Variants in MIPEP observed in about 807,000 individuals in gnomAD.
MIPEP encodes the protein mitochondrial intermediate peptidase.
MIPEP carries 79 observed loss-of-function variants against 90.3 expected under a neutral mutation model. The observed-to-expected ratio is 0.87, with a 90% confidence interval of 0.73 to 1.05. The LOEUF (loss-of-function observed/expected upper bound fraction) is 1.05. MIPEP is among the 50% of genes least tolerant of loss of function. The pLI is 0.00. For missense variants in MIPEP, 940 were observed against 905.6 expected (o/e 1.04, Z -0.49); for synonymous variants, 334 against 315.8 (o/e 1.06, Z -0.61).
chr13:23,810,020 A>G, intron 14 of MIPEP, 96 bp from the exon 15 acceptor site: 1 of 658,522 alleles, frequency 1.5e-6, no homozygotes, highest in Non-Finnish European at 2.6e-6. Context: ...ATCAAATGTA[A>G]CATGAGTAAT....
intron 10 of MIPEP, among the ~76,000 whole-genome samples, chr13:23,849,212 C>T (rs1869690390): frequency 6.6e-6 from 1 of 152,232 alleles, no homozygotes; most frequent in Non-Finnish European, 1.5e-5. Flanking sequence ...ATAGATGCTA[C>T]ACATAAGAAC....
At chr13:23,816,333 T>G (rs977354586) in intron 14 of MIPEP, among the ~76,000 whole-genome samples, 1 of 152,158 alleles carries the variant, frequency 6.6e-6, no homozygotes, top group Non-Finnish European at 1.5e-5. Flanking sequence ...GGATGCTTGG[T>G]TTTGTTTTTG....
At chr13:23,801,791 C>G (rs1471551518) in intron 16 of MIPEP, among the ~76,000 whole-genome samples, 1 of 152,154 alleles carries the variant, frequency 6.6e-6, no homozygotes, top group Non-Finnish European at 1.5e-5. Context: ...AGTATTCCAG[C>G]TGTATGAACA....
chr13:23,733,765 T>A (rs780591119), intron 18 of MIPEP, among the ~76,000 whole-genome samples: 1 of 152,222 alleles, frequency 6.6e-6, no homozygotes, highest in Non-Finnish European at 1.5e-5. Flanking sequence ...TAAAATATTT[T>A]CACTGGCTAT....
At chr13:23,812,057 A>G (rs1238028052) in intron 14 of MIPEP, among the ~76,000 whole-genome samples, 2 of 152,114 alleles carry the variant, frequency 1.3e-5, no homozygotes, top group African/African-American at 4.8e-5. Context: ...TAACTAACAC[A>G]TATGAAGACC....
At chr13:23,842,255 C>T (rs1869328746) in intron 10 of MIPEP, 1 of 152,006 alleles carries the variant, frequency 6.6e-6, no homozygotes, top group South Asian at 2.1e-4. Context: ...TACCAAAATA[C>T]ACATTTTTTT....
Position 23,874,835 on chromosome 13 carries a change from G to A in MIPEP, c.603+11C>T. ...AACTGGAAGAGTCAAAAAAACAGCAGAAAGATGTACCTTTTCTTTGTCTAG... is the reference window on the plus strand; with the variant it reads ...AACTGGAAGAGTCAAAAAAACAGCAAAAAGATGTACCTTTTCTTTGTCTAG... On this transcript the variant is annotated intron_variant, in intron 5 of 18. Coordinates refer to ENST00000382172, the MANE Select transcript of MIPEP (RefSeq NM_005932.4). 1 of 1,580,076 alleles carries A rather than the reference G, an allele frequency of 6.3e-7. No individual in the cohort carries two copies. The highest frequency in any genetic ancestry group is 8.6e-7 in the Non-Finnish European group (1 of 1,168,584).
chr13:23,863,429 G>GAT (rs1347463431), intron 8 of MIPEP, among the ~76,000 whole-genome samples: 1 of 152,196 alleles, frequency 6.6e-6, no homozygotes, highest in Non-Finnish European at 1.5e-5. Context: ...GATGTCATGT[G>GAT]ATAGGTTGCA....
At chr13:23,751,564 G>A (rs547651363) in intron 18 of MIPEP, among the ~76,000 whole-genome samples, 42 of 152,346 alleles carry the variant, frequency 2.8e-4, no homozygotes, top group African/African-American at 1.0e-3. Context: ...GATTAGAAAG[G>A]AGCATGGAAA....
chr13:23,882,127 T>G (rs1460594725), intron 2 of MIPEP, among the ~76,000 whole-genome samples: 1 of 151,270 alleles, frequency 6.6e-6, no homozygotes, highest in African/African-American at 2.4e-5. Context: ...TGGAGTGCAT[T>G]GGCGCAATCT....
intron 17 of MIPEP, 85 bp downstream of exon 17, chr13:23,760,011 A>T: frequency 6.4e-7 from 1 of 1,550,704 alleles, no homozygotes; most frequent in Non-Finnish European, 8.9e-7. Flanking sequence ...TGTGGGCTGC[A>T]GTTCTCGAGC....
At chr13:23,850,001 ACCTTATT>A (rs1256643629) in intron 10 of MIPEP, among the ~76,000 whole-genome samples, 1 of 152,234 alleles carries the variant, frequency 6.6e-6, no homozygotes, top group African/African-American at 2.4e-5. Flanking sequence ...CTTCAGTCTC[ACCTTATT>A]CTATTCAGTG....
At chr13:23,887,219 A>G (rs1159102439) in intron 1 of MIPEP, among the ~76,000 whole-genome samples, 1 of 152,234 alleles carries the variant, frequency 6.6e-6, no homozygotes, top group East Asian at 1.9e-4. Context: ...TGATAAAAAC[A>G]AAAATCACTG....
intron 14 of MIPEP, among the ~76,000 whole-genome samples, chr13:23,820,469 G>C (rs1471302727): frequency 6.6e-6 from 1 of 152,184 alleles, no homozygotes; most frequent in Middle Eastern, 3.2e-3. Flanking sequence ...GATTTAATAT[G>C]TACAACACTA....
intron 8 of MIPEP, 83 bp downstream of exon 8, chr13:23,864,058 C>T: frequency 1.3e-6 from 1 of 793,014 alleles, no homozygotes; most frequent in Non-Finnish European, 2.0e-6. Flanking sequence ...TAGGTCACTT[C>T]CTAATTTTTT....
chr13:23,748,184 G>T lies in MIPEP; in HGVS notation c.2044+8361C>A, dbSNP rs529566785. Among the ~76,000 whole-genome samples, 29 of 152,280 alleles carry T rather than the reference G, an allele frequency of 1.9e-4. No individual in the cohort carries two copies. The South Asian group carries it at 5.8e-3, about 30-fold the overall frequency. Reference sequence around the variant, plus strand: ...GCCTCCCAAGTAGCTGTGACTACAGGTGCATGCCACCACACCCAGCTAAAT... The same window carrying T: ...GCCTCCCAAGTAGCTGTGACTACAGTTGCATGCCACCACACCCAGCTAAAT... On this transcript the variant is annotated intron_variant, in intron 18 of 18. Coordinates refer to ENST00000382172, the MANE Select transcript of MIPEP (RefSeq NM_005932.4).
In MIPEP at chr13:23,886,328, C is replaced by A; in HGVS notation, c.363+5G>T. The A allele has an allele frequency of 6.6e-7, 1 of 1,515,304 alleles. No individual in the cohort carries two copies. The highest frequency in any genetic ancestry group is 1.4e-5 in the South Asian group (1 of 73,494). The allele number at this position is 1,515,304 out of a possible 1,614,324, so 93.9% of individuals were successfully genotyped here. A position where few individuals can be genotyped will look rare whatever the true frequency, so the allele number is the denominator to read the frequency against. On this transcript the variant is annotated splice_donor_5th_base_variant and intron_variant, in intron 2 of 18. Coordinates refer to ENST00000382172, the MANE Select transcript of MIPEP (RefSeq NM_005932.4). The stretch of plus-strand genomic sequence containing the variant: ...TAGCTTCAAGTCTGAGGTAAAGCAC[C>A]TTACCAAGTCGGCCACTCTGCATAA...
chr13:23,876,061 T>C (rs1871060222), intron 4 of MIPEP, among the ~76,000 whole-genome samples: 1 of 152,236 alleles, frequency 6.6e-6, no homozygotes, highest in South Asian at 2.1e-4. Context: ...TTACAGTTTT[T>C]AATCCTTGTT....
intron 16 of MIPEP, among the ~76,000 whole-genome samples, chr13:23,794,696 C>G (rs572707971): frequency 6.6e-6 from 1 of 151,918 alleles, no homozygotes; most frequent in South Asian, 2.1e-4. Flanking sequence ...TCATGAAAAC[C>G]AAGACAAAAA....
Sources: allele counts gnomAD v4.1 joint callset (sites outside exome capture counted in the v4.1 genomes callset), GRCh38; gene constraint gnomAD v4.1.1; transcripts MANE v1.5; gene names NCBI Gene and HGNC (gene_info 2026-07-23, HGNC 2026-07-21).